STPG2: variants seen among roughly 807,000 people sequenced by gnomAD.
The protein encoded by STPG2 is sperm-tail PG-rich repeat-containing protein 2.
A neutral mutation model predicts 54.2 loss-of-function variants in STPG2; 56 were observed. The ratio of observed to expected loss-of-function variants is 1.03; its 90% CI spans 0.83 to 1.29. The LOEUF (loss-of-function observed/expected upper bound fraction) is 1.29, where lower values mean the gene tolerates loss of function less well. Among genes scored for constraint, STPG2 ranks in the 50% most tolerant of loss-of-function variants. The pLI, the probability that STPG2 is intolerant of heterozygous loss-of-function variation, is 0.00. For synonymous variants in STPG2, 200 were observed against 181.8 expected, an observed-to-expected ratio of 1.10 and a Z score of -0.81; for missense variants, 596 against 544.9, an observed-to-expected ratio of 1.09 and a Z score of -0.93.
At chr4:97,957,701 T>A (rs767672552) in intron 7 of STPG2, among the ~76,000 whole-genome samples, 1 of 152,080 alleles carries the variant, frequency 6.6e-6, no homozygotes, top group African/African-American at 2.4e-5. Flanking sequence ...GGAAAACCTA[T>A]CAGATTAAAA....
At chr4:97,886,942 C>A (rs557853693) in intron 8 of STPG2, among the ~76,000 whole-genome samples, 7 of 152,204 alleles carry the variant, frequency 4.6e-5, no homozygotes, top group African/African-American at 1.7e-4. Context: ...CTCTCCCTTG[C>A]TCCTGCTACA....
At chr4:97,669,530 C>A (rs1722635337) in intron 10 of STPG2, among the ~76,000 whole-genome samples, 1 of 26,398 alleles carries the variant, frequency 3.8e-5, no homozygotes, top group East Asian at 8.2e-4. Flanking sequence ...GGCGCGGTGG[C>A]TCACGCCTGT....
intron 9 of STPG2, among the ~76,000 whole-genome samples, chr4:97,748,992 G>A (rs1725500966): frequency 6.6e-6 from 1 of 151,462 alleles, no homozygotes; most frequent in Non-Finnish European, 1.5e-5. Context: ...TACACCCTGG[G>A]CTTTGGAGAA....
intron 4 of STPG2, among the ~76,000 whole-genome samples, chr4:97,513,803 C>T (rs550519010): frequency 6.6e-6 from 1 of 151,970 alleles, no homozygotes. Context: ...AGCAGCAAAA[C>T]AAGGGCACTA....
At chr4:97,762,973 T>C (rs1349427492) in intron 9 of STPG2, among the ~76,000 whole-genome samples, 1 of 152,186 alleles carries the variant, frequency 6.6e-6, no homozygotes, top group Non-Finnish European at 1.5e-5. Context: ...ACGTTATATT[T>C]TGGATACAAA....
intron 5 of STPG2, among the ~76,000 whole-genome samples, chr4:97,996,010 C>A (rs929096235): frequency 2.0e-5 from 3 of 152,110 alleles, no homozygotes; most frequent in African/African-American, 7.2e-5. Context: ...AGCCATACTG[C>A]CCAAAGCAAT....
chr4:97,795,337 G>A (rs1309293966), intron 9 of STPG2, among the ~76,000 whole-genome samples: 2 of 151,990 alleles, frequency 1.3e-5, no homozygotes, highest in African/African-American at 4.8e-5. Flanking sequence ...CTAATGCTAT[G>A]CCTCCCACCT....
intron 10 of STPG2, among the ~76,000 whole-genome samples, chr4:97,563,822 G>C (rs994185806): frequency 6.6e-6 from 1 of 152,046 alleles, no homozygotes; most frequent in Non-Finnish European, 1.5e-5. Flanking sequence ...TATAATTTCT[G>C]ATCTTTTACA....
chr4:97,944,987 C>T (rs1331598179), intron 7 of STPG2, among the ~76,000 whole-genome samples: 3 of 152,162 alleles, frequency 2.0e-5, no homozygotes, highest in Non-Finnish European at 4.4e-5. Context: ...GAATATAGAA[C>T]ATCTAAGCCA....
intron 10 of STPG2, among the ~76,000 whole-genome samples, chr4:97,641,137 G>T (rs1181411964): frequency 6.6e-6 from 1 of 151,412 alleles, no homozygotes; most frequent in East Asian, 1.9e-4. Context: ...GGACAACAAA[G>T]AAAGATAAAA....
chr4:97,854,993 A>T (rs1729288143), intron 8 of STPG2, among the ~76,000 whole-genome samples: 1 of 152,178 alleles, frequency 6.6e-6, no homozygotes, highest in East Asian at 1.9e-4. Context: ...ACAAGTGAGA[A>T]CATGCGATAT....
At chr4:98,022,575 A>G (rs1331903828) in intron 5 of STPG2, among the ~76,000 whole-genome samples, 2 of 151,764 alleles carry the variant, frequency 1.3e-5, no homozygotes, top group Non-Finnish European at 2.9e-5. Context: ...GCCTTGCTAG[A>G]TTGGGGAAGT....
At chr4:97,861,802 A>G (rs1422040390) in intron 8 of STPG2, among the ~76,000 whole-genome samples, 1 of 152,176 alleles carries the variant, frequency 6.6e-6, no homozygotes, top group African/African-American at 2.4e-5. Flanking sequence ...TCAACCCAGA[A>G]TTTCATATCC....
chr4:97,657,836 A>G (rs1387682188), intron 10 of STPG2, among the ~76,000 whole-genome samples: 1 of 152,232 alleles, frequency 6.6e-6, no homozygotes, highest in African/African-American at 2.4e-5. Context: ...CATGATTTCA[A>G]AATGAACTTG....
intron 8 of STPG2, among the ~76,000 whole-genome samples, chr4:97,932,836 T>C (rs572834698): frequency 1.3e-5 from 2 of 152,350 alleles, no homozygotes; most frequent in East Asian, 1.9e-4. Context: ...TATGTGTGGA[T>C]GTATCTTTAT....
intron 9 of STPG2, among the ~76,000 whole-genome samples, chr4:97,797,389 T>C (rs904111106): frequency 4.6e-5 from 7 of 152,234 alleles, no homozygotes; most frequent in Non-Finnish European, 1.0e-4. Flanking sequence ...TGAGAGTTTT[T>C]AGCATGAAGG....
intron 9 of STPG2, among the ~76,000 whole-genome samples, chr4:97,741,656 G>T (rs572635068): frequency 6.6e-6 from 1 of 151,314 alleles, no homozygotes; most frequent in Admixed American, 6.6e-5. Flanking sequence ...AATCAAAACC[G>T]CAATGTGATA....
intron 3 of STPG2, among the ~76,000 whole-genome samples, chr4:98,127,040 A>G (rs945572121): frequency 4.6e-5 from 7 of 151,978 alleles, no homozygotes; most frequent in African/African-American, 1.7e-4. Context: ...CAAAAAACCA[A>G]GCAACATATA....
intron 3 of STPG2, among the ~76,000 whole-genome samples, chr4:98,120,669 A>T (rs1739652607): frequency 1.3e-5 from 2 of 152,166 alleles, no homozygotes; most frequent in South Asian, 4.1e-4. Flanking sequence ...ATCAGTGATG[A>T]GCTTTTTTGT....
Sources: gnomAD v4.1 joint callset for allele counts (sites outside exome capture counted in the v4.1 genomes callset) on GRCh38, gnomAD v4.1.1 for gene constraint, MANE v1.5 for transcripts, NCBI Gene and HGNC (gene_info 2026-07-23, HGNC 2026-07-21) for gene names.